The following WASF3 variants were observed in gnomAD, a reference collection of about 807,000 sequenced individuals.
WASF3 encodes actin-binding protein WASF3.
A neutral mutation model predicts 46.6 loss-of-function variants in WASF3; 11 were observed. The observed-to-expected ratio is 0.24, with a 90% CI of 0.15 to 0.39. WASF3 has a LOEUF of 0.39. WASF3 is among the 10% of genes least tolerant of loss of function. The probability of loss-of-function intolerance (pLI) is 1.00; values close to 1 mark genes in which losing one functional copy is unlikely to be tolerated. For missense variants in WASF3, 576 were observed against 669.8 expected, an observed-to-expected ratio of 0.86 and a Z score of 1.55; for synonymous variants, 242 against 259.7, an observed-to-expected ratio of 0.93 and a Z score of 0.65.
chr13:26,610,507 T>G (rs1880940039), intron 1 of WASF3, among the ~76,000 whole-genome samples: 1 of 152,134 alleles, frequency 6.6e-6, no homozygotes, highest in South Asian at 2.1e-4. Context: ...TATATATGTG[T>G]TTATTGAGCA....
intron 7 of WASF3, among the ~76,000 whole-genome samples, chr13:26,678,365 T>C (rs1201206772): frequency 6.6e-6 from 1 of 152,176 alleles, no homozygotes; most frequent in Non-Finnish European, 1.5e-5. Flanking sequence ...TGATCTATAG[T>C]TTCACCATGC....
At chr13:26,585,734 T>C (rs576670387) in intron 1 of WASF3, among the ~76,000 whole-genome samples, 2 of 152,306 alleles carry the variant, frequency 1.3e-5, no homozygotes, top group African/African-American at 4.8e-5. Flanking sequence ...AGAAAAACCA[T>C]ATAATGGTCT....
At chr13:26,611,541 C>G (rs1161015096) in intron 1 of WASF3, among the ~76,000 whole-genome samples, 2 of 152,094 alleles carry the variant, frequency 1.3e-5, no homozygotes, top group African/African-American at 2.4e-5. Flanking sequence ...ATAACCATCT[C>G]TTAAGTGAAA....
intron 2 of WASF3, chr13:26,638,813 G>C (rs1370364162): frequency 6.6e-6 from 1 of 152,196 alleles, no homozygotes; most frequent in Non-Finnish European, 1.5e-5. Flanking sequence ...GATGTTGGGA[G>C]GTATGGCCTA....
chr13:26,600,086 C>G (rs1245699196), intron 1 of WASF3, among the ~76,000 whole-genome samples: 1 of 152,164 alleles, frequency 6.6e-6, no homozygotes, highest in Non-Finnish European at 1.5e-5. Flanking sequence ...AAGTAAACTT[C>G]CCAGGGCTTG....
At chr13:26,605,558 C>T (rs950288921) in intron 1 of WASF3, among the ~76,000 whole-genome samples, 1 of 152,034 alleles carries the variant, frequency 6.6e-6, no homozygotes, top group Non-Finnish European at 1.5e-5. Context: ...TGAGTGTTGT[C>T]TATGTGCCAA....
intron 2 of WASF3, among the ~76,000 whole-genome samples, chr13:26,628,528 G>A (rs978419181): frequency 2.0e-5 from 3 of 152,168 alleles, no homozygotes; most frequent in Admixed American, 2.0e-4. Flanking sequence ...AGGATTACAA[G>A]TTCAAGGATC....
At chr13:26,645,030 C>T (rs1882108760) in intron 3 of WASF3, among the ~76,000 whole-genome samples, 2 of 152,114 alleles carry the variant, frequency 1.3e-5, no homozygotes, top group African/African-American at 2.4e-5. Flanking sequence ...AAGAGAAGCA[C>T]AGTGATATAT....
At chr13:26,567,768 A>T (rs1298875322) in intron 1 of WASF3, among the ~76,000 whole-genome samples, 1 of 151,974 alleles carries the variant, frequency 6.6e-6, no homozygotes, top group East Asian at 1.9e-4. Flanking sequence ...TTTCTTTAGT[A>T]TACAGCCTAT....
At chr13:26,559,837 G>C (rs1232298753) in intron 1 of WASF3, among the ~76,000 whole-genome samples, 1 of 29,164 alleles carries the variant, frequency 3.4e-5, no homozygotes, top group Non-Finnish European at 6.7e-5. Flanking sequence ...TTTTTTTTGA[G>C]ACGGAGTCTT....
the WASF3 span, among the ~76,000 whole-genome samples, chr13:26,542,869 G>T: frequency 6.6e-6 from 1 of 152,154 alleles, no homozygotes; most frequent in Non-Finnish European, 1.5e-5. Flanking sequence ...ATTGCCTTGG[G>T]ACATTTTTTT....
Position 26,685,740 on chromosome 13 carries a change from G to C in WASF3, c.1404G>C (p.Glu468Asp). The change falls in exon 10 of 10, where the codon GAG becomes GAC. Residue 468 changes from glutamate (E) to aspartate (D), a missense_variant. Glu to Asp is a conservative substitution (Grantham distance 45). Transcript: ENST00000335327. ...QEQREQEAKR[E>D]PVGNDVATIL... ...AGCGGGAGCAGGAGGCCAAGCGGGA[G>C]CCAGTGGGGAATGACGTGGCCACGA... is the stretch of plus-strand genomic sequence containing the variant. 1.2e-6 allele frequency: 2 copies of C among 1,614,238 alleles called. No homozygotes were observed. Among genetic ancestry groups the C allele is most frequent in the Non-Finnish European group, 1.7e-6 (2 of 1,180,034 alleles).
In WASF3 at chr13:26,645,100, G is replaced by A. The variant is rs533393422; in HGVS notation, c.133+2697G>A. On this transcript the variant is annotated intron_variant, in intron 3 of 9. Coordinates refer to ENST00000335327, the MANE Select transcript of WASF3 (RefSeq NM_006646.6). ...ACTGAGTGCAATGAACTGAATGTTT[G>A]TGTCTCCCAACAATTCCGCGTTGAA... Among the ~76,000 whole-genome samples the A allele has an allele frequency of 7.9e-5, 12 of 152,358 alleles. No individual in the cohort carries two copies. In the South Asian group the frequency reaches 2.3e-3, roughly 29 times the overall value.
rs1198740823 is a variant in WASF3 at position 26,571,618 on chromosome 13, A to G, written c.-109+13799A>G. On this transcript the variant is annotated intron_variant, in intron 1 of 9. Coordinates refer to ENST00000335327, the MANE Select transcript of WASF3 (RefSeq NM_006646.6). ...TTCTGTCTGTTCATATGCTATTCAC[A>G]CAATTTTAATCATGAGGCTTTGTTT... 3.3e-5 allele frequency among the ~76,000 whole-genome samples: 5 copies of G among 152,260 alleles called. No individual in the cohort carries two copies. The East Asian group carries it at 9.6e-4, about 29-fold the overall frequency.
chr13:26,660,943 G>A (rs1273231849), intron 3 of WASF3, among the ~76,000 whole-genome samples: 1 of 152,106 alleles, frequency 6.6e-6, no homozygotes, highest in East Asian at 1.9e-4. Context: ...TGTGTGCAGA[G>A]GTCACATGGA....
At chr13:26,637,651 G>A (rs117623776) in intron 2 of WASF3, among the ~76,000 whole-genome samples, 6 of 152,298 alleles carry the variant, frequency 3.9e-5, no homozygotes, top group South Asian at 2.1e-4. Flanking sequence ...AGCCAACTCC[G>A]CTGCTTTTCT....
intron 2 of WASF3, among the ~76,000 whole-genome samples, chr13:26,630,524 TTA>T (rs1881618917): frequency 1.3e-5 from 2 of 152,174 alleles, no homozygotes; most frequent in South Asian, 4.1e-4. Flanking sequence ...ATTCCATGGT[TTA>T]TATATGTCAC....
At chr13:26,646,122 A>G (rs564210253) in intron 3 of WASF3, among the ~76,000 whole-genome samples, 5 of 152,208 alleles carry the variant, frequency 3.3e-5, no homozygotes, top group African/African-American at 9.7e-5. Context: ...AGTTATTACA[A>G]CCTGCTACAA....
chr13:26,606,181 A>G (rs1387891220), intron 1 of WASF3, among the ~76,000 whole-genome samples: 1 of 152,144 alleles, frequency 6.6e-6, no homozygotes, highest in African/African-American at 2.4e-5. Context: ...AGTTAGGGAA[A>G]CTTAGGTTTA....
Sources: allele counts gnomAD v4.1 joint callset (sites outside exome capture counted in the v4.1 genomes callset), GRCh38; gene constraint gnomAD v4.1.1; transcripts MANE v1.5; gene names NCBI Gene and HGNC (gene_info 2026-07-23, HGNC 2026-07-21).